Variants in RBFOX1 observed in about 807,000 individuals in gnomAD.
RBFOX1 encodes the protein RNA binding fox-1 homolog 1.
A neutral mutation model predicts 57.7 loss-of-function variants in RBFOX1; 8 were observed. The ratio of observed to expected loss-of-function variants is 0.14; its 90% CI spans 0.08 to 0.25. The LOEUF (loss-of-function observed/expected upper bound fraction) is 0.25, where lower values mean the gene tolerates loss of function less well. Among genes scored for constraint, RBFOX1 ranks in the 10% least tolerant of loss-of-function variants. RBFOX1 has a pLI of 1.00. For synonymous variants in RBFOX1, 326 were observed against 222.4 expected (o/e 1.47, Z -4.15); for missense variants, 611 against 548.5 (o/e 1.11, Z -1.14).
At chr16:7,337,070 T>C (rs2096801721) in intron 4 of RBFOX1, among the ~76,000 whole-genome samples, 1 of 152,106 alleles carries the variant, frequency 6.6e-6, no homozygotes, top group Non-Finnish European at 1.5e-5. Context: ...CTCCAACGGG[T>C]CTTAGGTAAG....
intron 4 of RBFOX1, among the ~76,000 whole-genome samples, chr16:7,075,123 C>T (rs893359589): frequency 6.6e-6 from 1 of 152,190 alleles, no homozygotes; most frequent in African/African-American, 2.4e-5. Context: ...ACTCATGGGG[C>T]TGAGGCTGTG....
At chr16:5,390,590 C>G (rs2066380620) in intron 1 of RBFOX1, among the ~76,000 whole-genome samples, 1 of 152,026 alleles carries the variant, frequency 6.6e-6, no homozygotes, top group South Asian at 2.1e-4. Context: ...CGCCTGGCCT[C>G]ATATATTATT....
chr16:5,673,541 G>C (rs916296255), intron 3 of RBFOX1, among the ~76,000 whole-genome samples: 1 of 152,212 alleles, frequency 6.6e-6, no homozygotes, highest in Non-Finnish European at 1.5e-5. Context: ...GTTGACGTCA[G>C]TGTCACTGAG....
chr16:6,524,648 C>G (rs1304382858), intron 2 of RBFOX1, among the ~76,000 whole-genome samples: 2 of 152,164 alleles, frequency 1.3e-5, no homozygotes, highest in African/African-American at 4.8e-5. Flanking sequence ...ACAGACTTCT[C>G]TCACATTTCT....
At chr16:6,719,881 T>G (rs1017783896) in intron 3 of RBFOX1, among the ~76,000 whole-genome samples, 1 of 151,796 alleles carries the variant, frequency 6.6e-6, no homozygotes, top group Non-Finnish European at 1.5e-5. Flanking sequence ...TCACCTGAGG[T>G]CAGGAGTTCG....
intron 4 of RBFOX1, among the ~76,000 whole-genome samples, chr16:7,441,557 C>G (rs573838230): frequency 5.3e-4 from 78 of 148,342 alleles, no homozygotes; most frequent in Non-Finnish European, 9.9e-4. Flanking sequence ...GGCTTGTAAA[C>G]CTGAAATCTA....
At chr16:7,506,154 C>T (rs187088409) in intron 4 of RBFOX1, among the ~76,000 whole-genome samples, 5 of 128,882 alleles carry the variant, frequency 3.9e-5, no homozygotes, top group Non-Finnish European at 7.7e-5. Flanking sequence ...CACTGCACTC[C>T]AGCCTGGGTG....
chr16:7,545,360 T>G (rs939732675), intron 5 of RBFOX1, among the ~76,000 whole-genome samples: 2 of 152,058 alleles, frequency 1.3e-5, no homozygotes, highest in African/African-American at 4.8e-5. Context: ...TCTTGGCCCC[T>G]TGCTCACAGC....
chr16:5,504,523 C>T (rs1393472151), intron 2 of RBFOX1, among the ~76,000 whole-genome samples: 1 of 152,230 alleles, frequency 6.6e-6, no homozygotes, highest in East Asian at 1.9e-4. Flanking sequence ...CCTCCATTCA[C>T]AGATAGGCTC....
chr16:7,029,375 T>G (rs2153689496), intron 3 of RBFOX1, among the ~76,000 whole-genome samples: 1 of 150,894 alleles, frequency 6.6e-6, no homozygotes, highest in East Asian at 2.0e-4. Flanking sequence ...AGAAGAAAGC[T>G]GATGCGTCAC....
intron 4 of RBFOX1, among the ~76,000 whole-genome samples, chr16:7,179,815 A>G (rs898654015): frequency 4.6e-5 from 7 of 152,078 alleles, no homozygotes; most frequent in African/African-American, 1.7e-4. Flanking sequence ...GCTCACTGCA[A>G]CCTACTCCTC....
chr16:6,648,153 C>T (rs1250104750), intron 2 of RBFOX1, among the ~76,000 whole-genome samples: 12 of 151,686 alleles, frequency 7.9e-5, no homozygotes, highest in Admixed American at 7.2e-4. Flanking sequence ...TCAAGTGATC[C>T]TTCCATTTCA....
intron 1 of RBFOX1, among the ~76,000 whole-genome samples, chr16:5,319,738 A>G (rs796123702): frequency 1.3e-5 from 2 of 152,216 alleles, no homozygotes; most frequent in African/African-American, 4.8e-5. Flanking sequence ...AGTAACTTCC[A>G]CAATAGAAGT....
chr16:5,618,934 A>G (rs371153261), intron 3 of RBFOX1, among the ~76,000 whole-genome samples: 1 of 152,270 alleles, frequency 6.6e-6, no homozygotes, highest in Middle Eastern at 3.4e-3. Context: ...GGTAGGGCAG[A>G]TGACTTTGGG....
chr16:7,108,198 C>G (rs1599712555), intron 4 of RBFOX1, among the ~76,000 whole-genome samples: 2 of 152,248 alleles, frequency 1.3e-5, no homozygotes, highest in African/African-American at 2.4e-5. Flanking sequence ...AGAACAGTCT[C>G]TGGGTCATCA....
chr16:7,433,006 T>C (rs1344713124), intron 4 of RBFOX1, among the ~76,000 whole-genome samples: 2 of 152,218 alleles, frequency 1.3e-5, no homozygotes, highest in Non-Finnish European at 2.9e-5. Flanking sequence ...AGGAGGTTTA[T>C]ATCTTGTAGC....
At chr16:7,002,726 A>G (rs1366613518) in intron 3 of RBFOX1, among the ~76,000 whole-genome samples, 1 of 152,088 alleles carries the variant, frequency 6.6e-6, no homozygotes, top group Non-Finnish European at 1.5e-5. Context: ...CAAAGAAACA[A>G]ACAAAAAACT....
chr16:6,613,491 A>G (rs1004964717), intron 2 of RBFOX1, among the ~76,000 whole-genome samples: 2 of 152,144 alleles, frequency 1.3e-5, no homozygotes, highest in African/African-American at 4.8e-5. Context: ...ACAGTTAAGC[A>G]TATAGATTAG....
At chr16:5,864,645 A>G (rs937431217) in intron 3 of RBFOX1, among the ~76,000 whole-genome samples, 3 of 151,846 alleles carry the variant, frequency 2.0e-5, no homozygotes, top group Non-Finnish European at 4.4e-5. Context: ...ATGTCAGCAT[A>G]TAAGAATCTT....
Sources: gnomAD v4.1 joint callset for allele counts (sites outside exome capture counted in the v4.1 genomes callset) on GRCh38, gnomAD v4.1.1 for gene constraint, MANE v1.5 for transcripts, NCBI Gene and HGNC (gene_info 2026-07-23, HGNC 2026-07-21) for gene names.